Variants in RIT2 observed in about 807,000 individuals in gnomAD.
RIT2 encodes the protein GTP-binding protein Rit2.
In RIT2, 24 loss-of-function variants were observed where a neutral mutation model predicts 23.7. The observed-to-expected ratio is 1.01, with a 90% CI of 0.73 to 1.43. RIT2 has a LOEUF of 1.43. RIT2 is among the 40% of genes most tolerant of loss of function. RIT2 has a pLI of 0.00. For missense variants in RIT2, 236 were observed against 266.9 expected (o/e 0.88, Z 0.81); for synonymous variants, 107 against 91.1 (o/e 1.17, Z -0.99).
At chr18:42,819,456 T>G (rs1243764384) in intron 4 of RIT2, among the ~76,000 whole-genome samples, 4 of 152,082 alleles carry the variant, frequency 2.6e-5, no homozygotes, top group Admixed American at 1.3e-4. Context: ...GGTTTTGTTG[T>G]TGTTGTTGTT....
rs967711078 is a variant in RIT2 at position 43,037,897 on chromosome 18, GT to G, written c.104-4031del. Among the ~76,000 whole-genome samples, 25 of 152,044 alleles carry G rather than the reference GT, an allele frequency of 1.6e-4. 1 individual carries two copies. Among genetic ancestry groups the G allele is most frequent in the Admixed American group, 3.9e-4 (6 of 15,264 alleles). On this transcript the variant is annotated intron_variant, in intron 1 of 4. Transcript: ENST00000326695. ...CTTTATAGTCCGCTAGTTTTACTAA[GT>G]TATGTCTTGAAATTAATAGTTTCAG...
rs181875634 is a variant in RIT2, at chr18:42,881,322, A to T, written c.426+42250T>A. 2.0e-5 allele frequency among the ~76,000 whole-genome samples: 3 copies of T among 152,306 alleles called. No individual in the cohort carries two copies. The East Asian group carries it at 5.8e-4, about 29-fold the overall frequency. On this transcript the variant is annotated intron_variant, in intron 4 of 4. Coordinates refer to ENST00000326695, the MANE Select transcript of RIT2 (RefSeq NM_002930.4). Reference sequence around the variant, plus strand: ...TCTCAATTTTTATTCAATAATGCTCAATTTTTGCATGTCTTCTCTTATACT... The same window carrying T: ...TCTCAATTTTTATTCAATAATGCTCTATTTTTGCATGTCTTCTCTTATACT...
At chr18:42,828,686 A>C (rs1906374175) in intron 4 of RIT2, among the ~76,000 whole-genome samples, 1 of 152,190 alleles carries the variant, frequency 6.6e-6, no homozygotes, top group African/African-American at 2.4e-5. Flanking sequence ...CAGGGAAAGA[A>C]ATATGGAAAG....
At chr18:42,869,886 G>T (rs1028939687) in intron 4 of RIT2, among the ~76,000 whole-genome samples, 1 of 152,152 alleles carries the variant, frequency 6.6e-6, no homozygotes, top group African/African-American at 2.4e-5. Context: ...CTTAATAAAG[G>T]TATAGTCCCA....
chr18:43,024,697 G>C (rs1052835571), intron 2 of RIT2, among the ~76,000 whole-genome samples: 35 of 146,550 alleles, frequency 2.4e-4, no homozygotes, highest in African/African-American at 8.2e-4. Context: ...TATCTTCATG[G>C]AACTCAAACA....
chr18:43,048,172 T>G (rs983491176), intron 1 of RIT2, among the ~76,000 whole-genome samples: 2 of 152,186 alleles, frequency 1.3e-5, no homozygotes, highest in Admixed American at 6.5e-5. Flanking sequence ...TTTTATTATA[T>G]GGTTGTATTA....
At chr18:43,020,517 T>C (rs1911571989) in intron 2 of RIT2, among the ~76,000 whole-genome samples, 1 of 151,552 alleles carries the variant, frequency 6.6e-6, no homozygotes, top group East Asian at 2.0e-4. Context: ...AAAAAATGCA[T>C]ATGAAACCTG....
intron 4 of RIT2, among the ~76,000 whole-genome samples, chr18:42,893,098 C>T (rs568771331): frequency 9.2e-5 from 14 of 151,924 alleles, no homozygotes; most frequent in Non-Finnish European, 1.6e-4. Context: ...CATGGTGGTG[C>T]GTGCCTGTAA....
chr18:42,924,481 ATTTG>A (rs1407240360), intron 3 of RIT2, among the ~76,000 whole-genome samples: 1 of 152,040 alleles, frequency 6.6e-6, no homozygotes. Context: ...AAAATTCAGT[ATTTG>A]TTCTGAATTA....
intron 2 of RIT2, among the ~76,000 whole-genome samples, chr18:42,991,201 C>T (rs1437715220): frequency 1.3e-5 from 2 of 152,130 alleles, no homozygotes; most frequent in African/African-American, 4.8e-5. Flanking sequence ...CTTTCCCAGC[C>T]CCTTTTGCAT....
At chr18:42,988,914 G>C (rs1228639727) in intron 2 of RIT2, among the ~76,000 whole-genome samples, 1 of 152,186 alleles carries the variant, frequency 6.6e-6, no homozygotes, top group Admixed American at 6.5e-5. Context: ...GCAATCTGCT[G>C]AAGAGTAATG....
At chr18:42,823,645 T>C (rs1419736966) in intron 4 of RIT2, among the ~76,000 whole-genome samples, 1 of 152,170 alleles carries the variant, frequency 6.6e-6, no homozygotes, top group African/African-American at 2.4e-5. Flanking sequence ...AAAAAGAGAA[T>C]GTGGATTAGA....
intron 3 of RIT2, among the ~76,000 whole-genome samples, chr18:42,939,664 A>G (rs1909546236): frequency 6.6e-6 from 1 of 150,538 alleles, no homozygotes; most frequent in Admixed American, 6.8e-5. Flanking sequence ...ATATGCCTAT[A>G]AAGTTTTTTT....
At chr18:42,752,479 TA>T (rs1376602769) in intron 4 of RIT2, among the ~76,000 whole-genome samples, 1 of 152,146 alleles carries the variant, frequency 6.6e-6, no homozygotes, top group East Asian at 1.9e-4. Flanking sequence ...AAGCAGTGGT[TA>T]AGAAATGGCT....
intron 1 of RIT2, among the ~76,000 whole-genome samples, chr18:43,106,077 A>G (rs1913815395): frequency 6.6e-6 from 1 of 152,210 alleles, no homozygotes; most frequent in Non-Finnish European, 1.5e-5. Flanking sequence ...TCATCTATTA[A>G]TTAGAGATAT....
intron 4 of RIT2, among the ~76,000 whole-genome samples, chr18:42,855,738 C>T (rs542093159): frequency 6.6e-6 from 1 of 152,220 alleles, no homozygotes; most frequent in Non-Finnish European, 1.5e-5. Flanking sequence ...CCTAGAAAAA[C>T]ATTTTGAATC....
intron 1 of RIT2, among the ~76,000 whole-genome samples, chr18:43,110,255 C>A (rs544988014): frequency 6.0e-4 from 89 of 148,732 alleles, no homozygotes; most frequent in Non-Finnish European, 1.0e-3. Context: ...ATATATATAC[C>A]CACTATGTAC....
At chr18:42,859,878 T>C (rs1201391175) in intron 4 of RIT2, among the ~76,000 whole-genome samples, 1 of 152,028 alleles carries the variant, frequency 6.6e-6, no homozygotes, top group Non-Finnish European at 1.5e-5. Context: ...CAAGAGATTC[T>C]CATGCCTCAG....
intron 4 of RIT2, among the ~76,000 whole-genome samples, chr18:42,838,798 C>T (rs551005353): frequency 7.9e-5 from 12 of 152,238 alleles, no homozygotes; most frequent in East Asian, 3.9e-4. Context: ...CCCATGAGTC[C>T]GGATTAGGCA....
Sources: allele counts gnomAD v4.1 joint callset (sites outside exome capture counted in the v4.1 genomes callset), GRCh38; gene constraint gnomAD v4.1.1; transcripts MANE v1.5; gene names NCBI Gene and HGNC (gene_info 2026-07-23, HGNC 2026-07-21).